FYCO1: variants seen among roughly 807,000 people sequenced by gnomAD.
FYCO1 encodes the protein FYVE and coiled-coil domain-containing protein 1.
FYCO1 carries 122 observed loss-of-function variants against 165.1 expected under a neutral mutation model. The observed-to-expected ratio is 0.74, with a 90% confidence interval of 0.64 to 0.86. The LOEUF (loss-of-function observed/expected upper bound fraction) is 0.86, where lower values mean the gene tolerates loss of function less well. FYCO1 is among the 40% of genes least tolerant of loss of function. FYCO1 has a pLI of 0.00. For synonymous variants in FYCO1, 648 were observed against 742.5 expected, an observed-to-expected ratio of 0.87 and a Z score of 2.07; for missense variants, 1,702 against 1,810.3, an observed-to-expected ratio of 0.94 and a Z score of 1.09.
intron 14 of FYCO1, among the ~76,000 whole-genome samples, chr3:45,954,186 T>C (rs1310037522): frequency 6.6e-6 from 1 of 152,096 alleles, no homozygotes; most frequent in African/African-American, 2.4e-5. Flanking sequence ...CACAAATTCA[T>C]AAACTTTCTT....
chr3:45,988,246 A>C (rs752012295), intron 1 of FYCO1, among the ~76,000 whole-genome samples: 2 of 152,020 alleles, frequency 1.3e-5, no homozygotes, highest in African/African-American at 2.4e-5. Flanking sequence ...TGGGGATGCT[A>C]TTTTCAGGAA....
intron 2 of FYCO1, 73 bp from the exon 3 acceptor site, chr3:45,981,749 G>A: frequency 1.9e-6 from 2 of 1,044,102 alleles, no homozygotes; most frequent in Non-Finnish European, 3.0e-6. Context: ...AATAATCCAG[G>A]AAGCATGAGG....
chr3:45,939,028 A>G (rs2125809322), intron 14 of FYCO1, among the ~76,000 whole-genome samples: 1 of 152,216 alleles, frequency 6.6e-6, no homozygotes, highest in East Asian at 1.9e-4. Context: ...GATACCAGAT[A>G]CTCACTGCCC....
At position 45,958,519 on chromosome 3, in the gene FYCO1, G is replaced by A. The variant is rs758920597; in HGVS notation, c.3688C>T (p.Leu1230Phe). The part of the protein sequence containing the change: ...ERCCRACFQK[L>F]SEGPGSPDSS... ...TCAGGGGAGCCAGGGCCTTCACTGAGCTTCTGGAAACAGGCTCGGCAGCAG... is the reference window on the plus strand; with the variant it reads ...TCAGGGGAGCCAGGGCCTTCACTGAACTTCTGGAAACAGGCTCGGCAGCAG... The change falls in exon 13 of 18, where the codon CTC becomes TTC. Residue 1230 changes from leucine (L) to phenylalanine (F), a missense_variant. Leu to Phe is a conservative substitution (Grantham distance 22, BLOSUM62 0). Coordinates refer to ENST00000296137, the MANE Select transcript of FYCO1 (RefSeq NM_024513.4). The A allele has an allele frequency of 1.8e-5, 29 of 1,614,128 alleles. No individual in the cohort carries two copies. Among genetic ancestry groups the A allele is most frequent in the Non-Finnish European group, 2.3e-5 (27 of 1,180,050 alleles).
At chr3:45,963,730 G>A (rs896367211) in intron 10 of FYCO1, among the ~76,000 whole-genome samples, 1 of 152,148 alleles carries the variant, frequency 6.6e-6, no homozygotes, top group Non-Finnish European at 1.5e-5. Flanking sequence ...ATGACCACAT[G>A]GTGGACTTAG....
chr3:45,975,059 G>A (rs564337332), intron 5 of FYCO1, among the ~76,000 whole-genome samples, 180 bp downstream of exon 5: 1 of 151,906 alleles, frequency 6.6e-6, no homozygotes, highest in Non-Finnish European at 1.5e-5. Flanking sequence ...AGTGCTACTT[G>A]CCCACATGTG....
chr3:45,966,450 G>T lies in FYCO1; in HGVS notation c.2884C>A (p.Gln962Lys), dbSNP rs1163826407. The T allele has an allele frequency of 6.2e-7, 1 of 1,611,780 alleles. No homozygotes were observed. The highest frequency in any genetic ancestry group is 2.2e-5 in the East Asian group (1 of 44,828). The change falls in exon 8 of 18, where the codon CAG becomes AAG. Residue 962 changes from glutamine to lysine, a missense_variant. Gln to Lys is a moderately conservative substitution (Grantham distance 53). Transcript: ENST00000296137. ...AGLQQEKESL[Q>K]EKLKAAKAAA... The stretch of plus-strand genomic sequence containing the variant: ...GCCTTGGCCGCCTTCAGCTTCTCCT[G>T]CAAGCTCTCCTTCTCTTGCTGCAGC...
chr3:45,980,165 A>G (rs1206470135), intron 3 of FYCO1, among the ~76,000 whole-genome samples: 1 of 152,148 alleles, frequency 6.6e-6, no homozygotes, highest in Non-Finnish European at 1.5e-5. Flanking sequence ...CCTGGCCAAC[A>G]TGGTGAAACC....
At chr3:45,982,008 A>C (rs946608001) in intron 2 of FYCO1, among the ~76,000 whole-genome samples, 1 of 152,172 alleles carries the variant, frequency 6.6e-6, no homozygotes, top group Non-Finnish European at 1.5e-5. Flanking sequence ...CTGAATACTG[A>C]CTTCCAGAAA....
chr3:45,965,698 T>C (rs1046858671), intron 8 of FYCO1, among the ~76,000 whole-genome samples: 2 of 152,136 alleles, frequency 1.3e-5, no homozygotes, highest in African/African-American at 2.4e-5. Flanking sequence ...CCTGATGGGG[T>C]TGGTTATTCA....
intron 14 of FYCO1, among the ~76,000 whole-genome samples, chr3:45,952,867 G>A (rs1705108205): frequency 6.6e-6 from 1 of 152,314 alleles, no homozygotes; most frequent in Non-Finnish European, 1.5e-5. Context: ...AGGTGATGGA[G>A]GCAGAGTGTG....
intron 14 of FYCO1, chr3:45,945,097 C>G (rs1704500523): frequency 6.6e-6 from 1 of 152,216 alleles, no homozygotes; most frequent in South Asian, 2.1e-4. Flanking sequence ...CCTGGAAAGA[C>G]AGAGGCAAGC....
chr3:45,973,126 C>T lies in FYCO1; in HGVS notation c.501G>A (p.Arg167=). The T allele has an allele frequency of 6.2e-7, 1 of 1,614,222 alleles. No individual in the cohort carries two copies. Among genetic ancestry groups the T allele is most frequent in the East Asian group, 2.2e-5 (1 of 44,890 alleles). ...GCCAGGCAGCATCCAAGTCAAAGCC[C>T]CTCGACGCCAGGTCAAACTGAACCT... The part of the protein sequence containing the change: ...LTEVQFDLAS[R]GFDLDAAWPT... Residue 167 remains arginine (R), a synonymous_variant, in exon 6 of 18, where the codon AGG becomes AGA. Transcript: ENST00000296137.
intron 14 of FYCO1, among the ~76,000 whole-genome samples, chr3:45,936,880 C>A (rs564024178): frequency 6.6e-6 from 1 of 152,314 alleles, no homozygotes; most frequent in South Asian, 2.1e-4. Context: ...GCCACAGGAC[C>A]AAGGTACCAG....
In FYCO1 at chr3:45,959,378, G is replaced by A. The variant is rs13069079; in HGVS notation, c.3587+15C>T. ...CACCAGGGTGTTGGTGCCAACCCACGAGCTCCCTGCTGACCTGCAGTGGTG... is the reference window on the plus strand; with the variant it reads ...CACCAGGGTGTTGGTGCCAACCCACAAGCTCCCTGCTGACCTGCAGTGGTG... On this transcript the variant is annotated intron_variant, in intron 12 of 17. Coordinates refer to ENST00000296137, the MANE Select transcript of FYCO1 (RefSeq NM_024513.4). The A allele has an allele frequency of 0.11, 182,822 of 1,613,428 alleles. 14,042 individuals are homozygous for A. Among genetic ancestry groups the A allele is most frequent in the South Asian group, 0.34 (31,255 of 91,078 alleles).
At position 45,964,892 on chromosome 3, in the gene FYCO1, C is replaced by T. The variant is rs531534998; in HGVS notation, c.3150+141G>A. 8.0e-6 allele frequency: 6 copies of T among 750,100 alleles called. No individual in the cohort carries two copies. In the East Asian group the frequency reaches 1.3e-4, roughly 17 times the overall value. The allele number at this position is 750,100 out of a possible 1,614,324, so 46.5% of individuals were successfully genotyped here. ...GGAATGGATGGAGGGGGTCAGGGTA[C>T]AAACTAGGGTGTCTACAAAGGTGAA... On this transcript the variant is annotated intron_variant, in intron 9 of 17. Coordinates refer to ENST00000296137, the MANE Select transcript of FYCO1 (RefSeq NM_024513.4). This position sits in a 1 kb window ranked among gnomAD's most constrained non-coding sequence, Gnocchi z 4.1.
intron 13 of FYCO1, among the ~76,000 whole-genome samples, chr3:45,956,474 G>A (rs1200648032): frequency 2.4e-4 from 37 of 152,172 alleles, no homozygotes; most frequent in Admixed American, 2.4e-3. Context: ...AGTTCCTGGG[G>A]TGTTTAGCAA....
intron 1 of FYCO1, 69 bp downstream of exon 1, chr3:45,995,653 G>A (rs1707770341): frequency 6.5e-6 from 1 of 152,786 alleles, no homozygotes; most frequent in African/African-American, 2.4e-5. Context: ...CCCGAGCGAA[G>A]CTCTCGCCTC....
intron 15 of FYCO1, among the ~76,000 whole-genome samples, chr3:45,933,746 A>G (rs1291307925): frequency 1.3e-5 from 2 of 152,166 alleles, no homozygotes; most frequent in Non-Finnish European, 2.9e-5. Context: ...ACCACTCGTT[A>G]TCCTAAGAGC....
Sources: allele counts gnomAD v4.1 joint callset (sites outside exome capture counted in the v4.1 genomes callset), GRCh38; gene constraint gnomAD v4.1.1; non-coding constraint Gnocchi (gnomAD v3.1); transcripts MANE v1.5; gene names NCBI Gene and HGNC (gene_info 2026-07-23, HGNC 2026-07-21).